The following SREK1IP1 variants were observed in gnomAD, a reference collection of about 807,000 sequenced individuals.
SREK1IP1 encodes SREK1 interacting protein 1.
SREK1IP1 carries 12 observed loss-of-function variants against 22.8 expected under a neutral mutation model. That is an observed-to-expected ratio of 0.53 (90% CI 0.34 to 0.85). The LOEUF is 0.85. Ranked by LOEUF, SREK1IP1 falls within the 40% of genes least tolerant of loss-of-function variation. The pLI, the probability that SREK1IP1 is intolerant of heterozygous loss-of-function variation, is 0.02. For missense variants in SREK1IP1, 147 were observed against 171.8 expected (o/e 0.86, Z 0.81); for synonymous variants, 53 against 52.7 (o/e 1.01, Z -0.02).
At chr5:64,744,261 A>C (rs1415285263) in intron 2 of SREK1IP1, among the ~76,000 whole-genome samples, 3 of 152,154 alleles carry the variant, frequency 2.0e-5, no homozygotes, top group Non-Finnish European at 2.9e-5. Context: ...CGCTGGAAGT[A>C]AGCCAGCATG....
chr5:64,734,501 T>A (rs536053970), intron 3 of SREK1IP1, among the ~76,000 whole-genome samples: 2 of 152,114 alleles, frequency 1.3e-5, no homozygotes, highest in Non-Finnish European at 1.5e-5. Context: ...CCTTTTTTTT[T>A]AATAGATCTG....
At chr5:64,765,933 T>A (rs146943072) in intron 1 of SREK1IP1, among the ~76,000 whole-genome samples, 11 of 152,238 alleles carry the variant, frequency 7.2e-5, no homozygotes, top group Non-Finnish European at 1.6e-4. Context: ...TGATAACAGG[T>A]CAACTTTGGG....
At chr5:64,755,171 A>C (rs985600552) in intron 1 of SREK1IP1, among the ~76,000 whole-genome samples, 10 of 152,096 alleles carry the variant, frequency 6.6e-5, no homozygotes, top group Non-Finnish European at 1.2e-4. Context: ...AAAGAACTTA[A>C]AACAGCACTA....
intron 2 of SREK1IP1, among the ~76,000 whole-genome samples, chr5:64,744,963 G>A (rs1742608790): frequency 6.6e-6 from 1 of 152,102 alleles, no homozygotes; most frequent in Non-Finnish European, 1.5e-5. Context: ...TCTAATCCCT[G>A]CTTCACAGCC....
intron 1 of SREK1IP1, among the ~76,000 whole-genome samples, chr5:64,764,795 T>C (rs1743008676): frequency 6.6e-6 from 1 of 152,172 alleles, no homozygotes; most frequent in African/African-American, 2.4e-5. Flanking sequence ...TTAGCAGCAA[T>C]GTGCAATATA....
intron 3 of SREK1IP1, among the ~76,000 whole-genome samples, chr5:64,733,185 T>G (rs774145100): frequency 2.0e-5 from 3 of 152,154 alleles, no homozygotes; most frequent in Non-Finnish European, 4.4e-5. Context: ...ACTGATCAAT[T>G]GGACTTCATC....
chr5:64,745,890 T>C (rs749127988), intron 2 of SREK1IP1, among the ~76,000 whole-genome samples: 37 of 152,074 alleles, frequency 2.4e-4, no homozygotes, highest in Non-Finnish European at 3.4e-4. Context: ...ACAGTTCTTA[T>C]GGCTAGCAAT....
intron 3 of SREK1IP1, among the ~76,000 whole-genome samples, chr5:64,736,805 T>A (rs1319504105): frequency 2.0e-5 from 3 of 147,244 alleles, no homozygotes; most frequent in Non-Finnish European, 4.6e-5. Flanking sequence ...ATGACCCTTT[T>A]ATCATTAGGA....
intron 3 of SREK1IP1, among the ~76,000 whole-genome samples, chr5:64,730,699 A>C (rs1419504341): frequency 6.6e-6 from 1 of 152,074 alleles, no homozygotes; most frequent in Non-Finnish European, 1.5e-5. Context: ...CCGAAGGAGG[A>C]AGGGAGAAGT....
At chr5:64,752,308 C>T (rs568389738) in intron 2 of SREK1IP1, among the ~76,000 whole-genome samples, 6 of 151,794 alleles carry the variant, frequency 4.0e-5, no homozygotes, top group Non-Finnish European at 7.4e-5. Context: ...CCCGCCACCA[C>T]GTCCGGCTAA....
intron 3 of SREK1IP1, among the ~76,000 whole-genome samples, chr5:64,733,923 T>A (rs980731832): frequency 6.6e-6 from 1 of 152,110 alleles, no homozygotes; most frequent in Non-Finnish European, 1.5e-5. Flanking sequence ...GACAATATTA[T>A]AAAAATAGAG....
intron 1 of SREK1IP1, among the ~76,000 whole-genome samples, chr5:64,758,721 T>C (rs1218967653): frequency 6.6e-6 from 1 of 152,228 alleles, no homozygotes; most frequent in African/African-American, 2.4e-5. Flanking sequence ...TGTATTAGAA[T>C]TGAACTCATG....
In SREK1IP1 at chr5:64,726,501, G is replaced by A. The variant is rs140096913; in HGVS notation, c.278+1606C>T. 7.4e-3 allele frequency among the ~76,000 whole-genome samples: 1,126 copies of A among 151,486 alleles called. 11 individuals carry two copies. The highest frequency in any genetic ancestry group is 0.026 in the African/African-American group (1,055 of 41,268). On this transcript the variant is annotated intron_variant, in intron 4 of 4. Coordinates refer to ENST00000513458, the MANE Select transcript of SREK1IP1 (RefSeq NM_173829.4). ...TGAGGCAGGAGAATGGAGTGAACCC[G>A]GGAGGCGGAGCTTGAAGTGAGCTGA...
At chr5:64,733,221 A>G (rs932845282) in intron 3 of SREK1IP1, among the ~76,000 whole-genome samples, 8 of 152,166 alleles carry the variant, frequency 5.3e-5, no homozygotes, top group African/African-American at 9.6e-5. Flanking sequence ...TGCTTTGTGA[A>G]AGACCTGGTA....
intron 2 of SREK1IP1, among the ~76,000 whole-genome samples, chr5:64,743,183 C>A (rs1300464955): frequency 6.6e-6 from 1 of 152,130 alleles, no homozygotes; most frequent in African/African-American, 2.4e-5. Context: ...ACCACATAGA[C>A]AACACAGGTC....
intron 2 of SREK1IP1, among the ~76,000 whole-genome samples, chr5:64,752,993 C>T (rs7733189): frequency 0.063 from 9,575 of 152,112 alleles, 977 homozygotes; most frequent in African/African-American, 0.22. Flanking sequence ...TAACTAAATA[C>T]GGAAATATTG....
intron 2 of SREK1IP1, among the ~76,000 whole-genome samples, chr5:64,752,339 G>C (rs1387712148): frequency 2.0e-5 from 3 of 151,782 alleles, no homozygotes; most frequent in Admixed American, 2.0e-4. Context: ...TTTTAGTAGA[G>C]ACGGGGTTTC....
chr5:64,749,097 TA>T (rs1742697869), intron 2 of SREK1IP1, among the ~76,000 whole-genome samples: 1 of 140,890 alleles, frequency 7.1e-6, no homozygotes, highest in Non-Finnish European at 1.5e-5. Context: ...ATAATAATAA[TA>T]ATAATAATAA....
chr5:64,728,444 G>C (rs1026894732), intron 3 of SREK1IP1, among the ~76,000 whole-genome samples: 2 of 152,102 alleles, frequency 1.3e-5, no homozygotes, highest in Admixed American at 1.3e-4. Flanking sequence ...AGGAAATCAA[G>C]GCCAGTGGTT....
Sources: gnomAD v4.1 joint callset for allele counts (sites outside exome capture counted in the v4.1 genomes callset) on GRCh38, gnomAD v4.1.1 for gene constraint, MANE v1.5 for transcripts, NCBI Gene and HGNC (gene_info 2026-07-23, HGNC 2026-07-21) for gene names.